The following ATAD2B variants were observed in gnomAD, a reference collection of about 807,000 sequenced individuals.
ATAD2B encodes ATPase family AAA domain-containing protein 2B.
A neutral mutation model predicts 167.6 loss-of-function variants in ATAD2B; 40 were observed. That is an observed-to-expected ratio of 0.24 (90% CI 0.19 to 0.31). ATAD2B has a LOEUF of 0.31. ATAD2B is among the 10% of genes least tolerant of loss of function. The pLI, the probability that ATAD2B is intolerant of heterozygous loss-of-function variation, is 1.00. For missense variants in ATAD2B, 1,242 were observed against 1,757.2 expected (o/e 0.71, Z 5.24); for synonymous variants, 579 against 596.5 (o/e 0.97, Z 0.43).
At chr2:23,921,205 CAAAAAAA>C (rs61004964) in intron 1 of ATAD2B, among the ~76,000 whole-genome samples, 336 of 32,290 alleles carry the variant, frequency 0.01, 1 homozygote, top group African/African-American at 0.041. Context: ...GACTCCATCT[CAAAAAAA>C]AAAAAAAAAA....
chr2:23,899,878 C>T (rs1043021733), intron 1 of ATAD2B, among the ~76,000 whole-genome samples: 2 of 151,530 alleles, frequency 1.3e-5, no homozygotes, highest in South Asian at 2.1e-4. Flanking sequence ...TGTGAGCCAC[C>T]GCGCCCAGTA....
At chr2:23,917,743 A>C (rs1703255585) in intron 1 of ATAD2B, among the ~76,000 whole-genome samples, 1 of 152,100 alleles carries the variant, frequency 6.6e-6, no homozygotes, top group Non-Finnish European at 1.5e-5. Flanking sequence ...CCTGGGCAAC[A>C]TAGTGAGACT....
the ATAD2B span, among the ~76,000 whole-genome samples, chr2:23,679,811 CAA>C: frequency 6.6e-6 from 1 of 152,106 alleles, no homozygotes; most frequent in African/African-American, 2.4e-5. Context: ...GGGAAGGAGG[CAA>C]AGAGGCCCAG....
At chr2:23,759,395 A>G (rs933602688) in intron 24 of ATAD2B, among the ~76,000 whole-genome samples, 3 of 152,174 alleles carry the variant, frequency 2.0e-5, no homozygotes, top group Non-Finnish European at 4.4e-5. Context: ...AGAAAGGAAT[A>G]TGGTCTTTTA....
intron 13 of ATAD2B, among the ~76,000 whole-genome samples, chr2:23,841,098 A>ATTTTTTT (rs572061183): frequency 1.7e-5 from 2 of 117,172 alleles, no homozygotes; most frequent in Non-Finnish European, 1.8e-5. Flanking sequence ...ATGCATGGCT[A>ATTTTTTT]TTTTTTTTTT....
At chr2:23,698,405 G>A in the ATAD2B span, among the ~76,000 whole-genome samples, 18 of 152,278 alleles carry the variant, frequency 1.2e-4, no homozygotes, top group African/African-American at 3.9e-4. Flanking sequence ...GACCCCCTTC[G>A]GGTAGGTTGC....
chr2:23,807,687 G>A (rs1048176331), intron 18 of ATAD2B, among the ~76,000 whole-genome samples: 135 of 151,290 alleles, frequency 8.9e-4, no homozygotes, highest in African/African-American at 3.1e-3. Flanking sequence ...ATGGTGGCAC[G>A]CACCTGTAGT....
At chr2:23,712,924 G>A in the ATAD2B span, among the ~76,000 whole-genome samples, 6 of 152,258 alleles carry the variant, frequency 3.9e-5, no homozygotes, top group Admixed American at 1.3e-4. Context: ...ATACTAGGTC[G>A]GTAAGACTGC....
At chr2:23,886,747 C>G (rs981104505) in intron 4 of ATAD2B, among the ~76,000 whole-genome samples, 1 of 149,826 alleles carries the variant, frequency 6.7e-6, no homozygotes, top group Non-Finnish European at 1.5e-5. Flanking sequence ...CTGGCTAACA[C>G]GGTGAAACCC....
the ATAD2B span, among the ~76,000 whole-genome samples, chr2:23,717,353 G>A: frequency 6.6e-6 from 1 of 152,146 alleles, no homozygotes; most frequent in Non-Finnish European, 1.5e-5. Flanking sequence ...GGGTTCCATG[G>A]CAAGGATGAG....
At chr2:23,738,344 T>G in the ATAD2B span, among the ~76,000 whole-genome samples, 8 of 152,324 alleles carry the variant, frequency 5.3e-5, no homozygotes, top group South Asian at 4.1e-4. Context: ...GACTAACAGC[T>G]GATCTCTCTG....
chr2:23,910,170 ACT>A (rs1277216297), intron 1 of ATAD2B, among the ~76,000 whole-genome samples: 6 of 104,200 alleles, frequency 5.8e-5, no homozygotes, highest in African/African-American at 2.4e-4. Flanking sequence ...ACTCTTGCAT[ACT>A]CTTTTTTTTT....
intron 18 of ATAD2B, among the ~76,000 whole-genome samples, chr2:23,804,408 G>A (rs1683999470): frequency 6.6e-6 from 1 of 152,078 alleles, no homozygotes; most frequent in African/African-American, 2.4e-5. Flanking sequence ...TCCAGGAGGG[G>A]TCACTCTAGA....
intron 8 of ATAD2B, among the ~76,000 whole-genome samples, chr2:23,871,122 A>C (rs79185922): frequency 0.079 from 11,865 of 150,912 alleles, 597 homozygotes; most frequent in South Asian, 0.12. Context: ...AAAAAAAAAA[A>C]CCTCAAAAAT....
the ATAD2B span, among the ~76,000 whole-genome samples, chr2:23,682,028 C>T: frequency 6.6e-6 from 1 of 152,072 alleles, no homozygotes; most frequent in South Asian, 2.1e-4. The surrounding 1 kb of genome is among the most constrained non-coding windows in gnomAD (Gnocchi z 4.1). Context: ...ACAGGCCCCA[C>T]CCCACAACTG....
rs1675152466 is a variant in ATAD2B, at chr2:23,749,723, C to A, written c.*2323G>T. 6.6e-6 allele frequency: 1 copy of A among 151,760 alleles called. No homozygotes were observed. The highest frequency in any genetic ancestry group is 1.5e-5 in the Non-Finnish European group (1 of 67,886). The allele number at this position is 151,760 out of a possible 1,614,324, so 9.4% of individuals were successfully genotyped here. On this transcript the variant is annotated 3_prime_UTR_variant, in exon 28 of 28. Transcript: ENST00000238789. The stretch of plus-strand genomic sequence containing the variant: ...TCCATCTACATTACGGTTAAAAAAA[C>A]AAACAAACAAAAGCAACTTGATCTT...
At chr2:23,774,892 C>T (rs898998136) in intron 22 of ATAD2B, among the ~76,000 whole-genome samples, 1 of 151,988 alleles carries the variant, frequency 6.6e-6, no homozygotes, top group African/African-American at 2.4e-5. Flanking sequence ...AAGAGCAAAA[C>T]CCTGTCTGAA....
At chr2:23,836,041 G>A (rs902274615) in intron 13 of ATAD2B, among the ~76,000 whole-genome samples, 1 of 152,018 alleles carries the variant, frequency 6.6e-6, no homozygotes, top group Non-Finnish European at 1.5e-5. Flanking sequence ...CTCTGCCTCA[G>A]TTTTGCTTAG....
the ATAD2B span, among the ~76,000 whole-genome samples, chr2:23,688,008 C>A: frequency 6.6e-6 from 1 of 152,138 alleles, no homozygotes; most frequent in Non-Finnish European, 1.5e-5. Flanking sequence ...AGAAGGGTCC[C>A]GGCAAAGTCC....
Sources: allele counts gnomAD v4.1 joint callset (sites outside exome capture counted in the v4.1 genomes callset), GRCh38; gene constraint gnomAD v4.1.1; non-coding constraint Gnocchi (gnomAD v3.1); transcripts MANE v1.5; gene names NCBI Gene and HGNC (gene_info 2026-07-23, HGNC 2026-07-21).